The following ERI3 variants were observed in gnomAD, a reference collection of about 807,000 sequenced individuals.
ERI3 encodes ERI1 exoribonuclease family member 3.
Under a neutral mutation model 44.4 loss-of-function variants are expected in ERI3, and 18 were observed. The ratio of observed to expected loss-of-function variants is 0.41; its 90% CI spans 0.28 to 0.60. The LOEUF is 0.60. Among genes scored for constraint, ERI3 ranks in the 20% least tolerant of loss-of-function variants. ERI3 has a pLI of 0.36. For missense variants in ERI3, 294 were observed against 435.5 expected (o/e 0.68, Z 2.89); for synonymous variants, 183 against 164.8 (o/e 1.11, Z -0.84).
At chr1:44,274,291 G>A (rs1422291132) in intron 7 of ERI3, among the ~76,000 whole-genome samples, 1 of 152,168 alleles carries the variant, frequency 6.6e-6, no homozygotes, top group African/African-American at 2.4e-5. Context: ...CTTCAGGAGC[G>A]GCGCGCTTTA....
intron 6 of ERI3, among the ~76,000 whole-genome samples, chr1:44,302,025 C>G (rs1283690666): frequency 6.6e-6 from 1 of 152,194 alleles, no homozygotes; most frequent in Non-Finnish European, 1.5e-5. Context: ...CCTTAGAATG[C>G]CCAATTCACT....
chr1:44,276,400 C>A (rs1041382169), intron 7 of ERI3, among the ~76,000 whole-genome samples: 1 of 152,246 alleles, frequency 6.6e-6, no homozygotes, highest in African/African-American at 2.4e-5. Flanking sequence ...TGTGTCCATG[C>A]ATATGCAATA....
chr1:44,306,167 G>A (rs1421932070), intron 6 of ERI3, among the ~76,000 whole-genome samples: 2 of 152,170 alleles, frequency 1.3e-5, no homozygotes, highest in African/African-American at 2.4e-5. Flanking sequence ...CCTCCCCCAA[G>A]CCCTGCCACC....
At chr1:44,231,123 T>A (rs1644172809) in intron 8 of ERI3, among the ~76,000 whole-genome samples, 1 of 152,204 alleles carries the variant, frequency 6.6e-6, no homozygotes, top group Non-Finnish European at 1.5e-5. Context: ...ATATAATCGT[T>A]TATATAATTT....
Position 44,317,543 on chromosome 1 carries a change from C to T in ERI3, c.606+2085G>A, listed in dbSNP as rs536426255. On this transcript the variant is annotated intron_variant, in intron 4 of 8. Transcript: ENST00000372257. The stretch of plus-strand genomic sequence containing the variant: ...ACAATATTCATTCATTTAAGGGACA[C>T]GTATCAAGTGTTTACTTGGTAGCAG... 4.6e-5 allele frequency among the ~76,000 whole-genome samples: 7 copies of T among 152,220 alleles called. No homozygotes were observed. In the South Asian group the frequency reaches 6.2e-4, roughly 14 times the overall value.
intron 6 of ERI3, among the ~76,000 whole-genome samples, chr1:44,298,626 A>G (rs1195198529): frequency 6.6e-6 from 1 of 152,248 alleles, no homozygotes; most frequent in Non-Finnish European, 1.5e-5. Context: ...AAAAGAAGTC[A>G]GACACAGGTC....
chr1:44,227,144 G>T (rs1444004763), intron 8 of ERI3, among the ~76,000 whole-genome samples: 1 of 152,214 alleles, frequency 6.6e-6, no homozygotes, highest in South Asian at 2.1e-4. Context: ...CTAAGAGGGA[G>T]TGTGGCCTAA....
At position 44,228,266 on chromosome 1, in the gene ERI3, GGAGGTGCCACA is replaced by G. The variant is rs1379626549; in HGVS notation, c.932-6637_932-6627del. Reference sequence around the variant, plus strand: ...CCCCCTCCACCCCACCGAGGTGCCTGGAGGTGCCACAGGCTGATGGTGAAGGATGACGATGG... The same window carrying G: ...CCCCCTCCACCCCACCGAGGTGCCTGGGCTGATGGTGAAGGATGACGATGG... On this transcript the variant is annotated intron_variant, in intron 8 of 8. Coordinates refer to ENST00000372257, the MANE Select transcript of ERI3 (RefSeq NM_024066.3). This position sits in a 1 kb window ranked among gnomAD's most constrained non-coding sequence, Gnocchi z 4.3. Among the ~76,000 whole-genome samples the G allele has an allele frequency of 1.3e-5, 2 of 152,172 alleles. No individual in the cohort carries two copies. Among genetic ancestry groups the G allele is most frequent in the African/African-American group, 4.8e-5 (2 of 41,436 alleles).
chr1:44,281,924 GTGTA>G (rs1216745672), intron 7 of ERI3, among the ~76,000 whole-genome samples: 330 of 142,570 alleles, frequency 2.3e-3, no homozygotes, highest in African/African-American at 3.3e-3. Context: ...GTGTGTGTGT[GTGTA>G]TGTATTCTTC....
intron 7 of ERI3, among the ~76,000 whole-genome samples, chr1:44,248,744 C>G (rs973103005): frequency 4.7e-5 from 7 of 147,854 alleles, no homozygotes; most frequent in Non-Finnish European, 1.0e-4. Flanking sequence ...GGAGCAGATG[C>G]TCTGCTGAAG....
intron 8 of ERI3, among the ~76,000 whole-genome samples, chr1:44,242,796 G>A (rs143853011): frequency 3.2e-4 from 48 of 152,290 alleles, no homozygotes; most frequent in African/African-American, 1.1e-3. Flanking sequence ...TCCTGGGCCC[G>A]AGGTCTTCAG....
At chr1:44,329,055 G>T (rs1282294893) in intron 3 of ERI3, among the ~76,000 whole-genome samples, 1 of 152,226 alleles carries the variant, frequency 6.6e-6, no homozygotes, top group East Asian at 1.9e-4. Flanking sequence ...TCAAGACCAG[G>T]GCATCAGCTA....
At chr1:44,248,929 G>C (rs1318053605) in intron 7 of ERI3, among the ~76,000 whole-genome samples, 6 of 149,830 alleles carry the variant, frequency 4.0e-5, no homozygotes, top group East Asian at 3.9e-4. Flanking sequence ...CCTCCACCTG[G>C]GGGGGGGACA....
chr1:44,287,686 G>A (rs750273560), intron 6 of ERI3, among the ~76,000 whole-genome samples: 3 of 152,244 alleles, frequency 2.0e-5, no homozygotes, highest in Admixed American at 2.0e-4. Flanking sequence ...AGCCTTAGGA[G>A]CTAGAATGTG....
At chr1:44,267,751 C>T (rs1285029051) in intron 7 of ERI3, among the ~76,000 whole-genome samples, 1 of 152,224 alleles carries the variant, frequency 6.6e-6, no homozygotes, top group African/African-American at 2.4e-5. Context: ...GGGGACAGGC[C>T]ACTGACAGCT....
chr1:44,339,023 A>G, intron 3 of ERI3, 22 bp downstream of exon 3: 2 of 1,599,776 alleles, frequency 1.3e-6, no homozygotes, highest in Non-Finnish European at 1.7e-6. Context: ...CACCTTTTCT[A>G]AAGCAATGAT....
chr1:44,332,362 TA>T (rs779868033), intron 3 of ERI3, among the ~76,000 whole-genome samples: 27 of 152,118 alleles, frequency 1.8e-4, no homozygotes, highest in Admixed American at 3.9e-4. Context: ...AATAAGAGGC[TA>T]GGGGGGATGT....
chr1:44,300,275 A>G (rs1572220076), intron 6 of ERI3, among the ~76,000 whole-genome samples: 1 of 152,236 alleles, frequency 6.6e-6, no homozygotes, highest in East Asian at 1.9e-4. Flanking sequence ...CAGAATTTCC[A>G]TTCCAGGGGT....
intron 2 of ERI3, among the ~76,000 whole-genome samples, chr1:44,350,552 G>A (rs963535496): frequency 3.3e-5 from 5 of 152,060 alleles, no homozygotes; most frequent in Non-Finnish European, 1.5e-5. Context: ...ATGAGCCACC[G>A]TGCCCAGCTC....
Sources: allele counts gnomAD v4.1 joint callset (sites outside exome capture counted in the v4.1 genomes callset), GRCh38; gene constraint gnomAD v4.1.1; non-coding constraint Gnocchi (gnomAD v3.1); transcripts MANE v1.5; gene names NCBI Gene and HGNC (gene_info 2026-07-23, HGNC 2026-07-21).